SND1: variants seen among roughly 807,000 people sequenced by gnomAD.
The protein encoded by SND1 is staphylococcal nuclease domain-containing protein 1.
In SND1, 38 loss-of-function variants were observed where a neutral mutation model predicts 121.7. The observed-to-expected ratio is 0.31, with a 90% CI of 0.24 to 0.41. The LOEUF is 0.41. Ranked by LOEUF, SND1 falls within the 10% of genes least tolerant of loss-of-function variation. SND1 has a pLI of 1.00. For synonymous variants in SND1, 401 were observed against 447.4 expected (o/e 0.90, Z 1.31); for missense variants, 868 against 1,184.6 (o/e 0.73, Z 3.92).
intron 15 of SND1, among the ~76,000 whole-genome samples, chr7:127,989,715 C>G (rs893462776): frequency 6.6e-6 from 1 of 152,342 alleles, no homozygotes; most frequent in East Asian, 1.9e-4. Flanking sequence ...CATCCTCCCC[C>G]AGATCTTCAT....
rs530403003 is a variant in SND1 at position 127,916,636 on chromosome 7, C to T, written c.1527+11817C>T. ...CAAACAGACTTTAAAACGTTGCCGC[C>T]CAAGCTGTCGGAGATAAATCAGGTG... On this transcript the variant is annotated intron_variant, in intron 14 of 23. Coordinates refer to ENST00000354725, the MANE Select transcript of SND1 (RefSeq NM_014390.4). 5.3e-5 allele frequency among the ~76,000 whole-genome samples: 8 copies of T among 152,184 alleles called. No individual in the cohort carries two copies. In the South Asian group the frequency reaches 1.7e-3, roughly 32 times the overall value.
intron 10 of SND1, among the ~76,000 whole-genome samples, chr7:127,723,701 T>A (rs1365594432): frequency 6.6e-6 from 1 of 152,010 alleles, no homozygotes; most frequent in African/African-American, 2.4e-5. Flanking sequence ...GAGAAGTGAG[T>A]CAACAGGAGG....
At chr7:127,889,642 C>T (rs765247623) in intron 13 of SND1, among the ~76,000 whole-genome samples, 4 of 151,166 alleles carry the variant, frequency 2.6e-5, no homozygotes, top group Non-Finnish European at 5.9e-5. Flanking sequence ...TTTTTTGTAC[C>T]CATTATCCAT....
At chr7:127,749,309 A>G (rs1469506559) in intron 10 of SND1, among the ~76,000 whole-genome samples, 1 of 152,146 alleles carries the variant, frequency 6.6e-6, no homozygotes, top group Non-Finnish European at 1.5e-5. Context: ...TGATTCAGAT[A>G]TACTTCTAGC....
chr7:127,841,696 T>A (rs749168813), intron 11 of SND1, among the ~76,000 whole-genome samples: 15 of 152,130 alleles, frequency 9.9e-5, no homozygotes, highest in Non-Finnish European at 1.3e-4. Context: ...GCCCTTTTTT[T>A]GGCCTATATT....
At chr7:127,786,920 G>A (rs542616844) in intron 10 of SND1, among the ~76,000 whole-genome samples, 1 of 152,336 alleles carries the variant, frequency 6.6e-6, no homozygotes, top group African/African-American at 2.4e-5. Flanking sequence ...GGGATTACAG[G>A]CGTGAGCCAC....
chr7:127,849,929 C>T (rs1447197226), intron 12 of SND1, among the ~76,000 whole-genome samples: 1 of 152,158 alleles, frequency 6.6e-6, no homozygotes, highest in African/African-American at 2.4e-5. Flanking sequence ...TAATTCTTTC[C>T]CATGCAGCAG....
At chr7:127,779,825 T>C (rs895828968) in intron 10 of SND1, among the ~76,000 whole-genome samples, 1 of 152,216 alleles carries the variant, frequency 6.6e-6, no homozygotes. Context: ...TGCTCTTTCT[T>C]ATCATTTGTG....
rs1170294401 is a variant in SND1, at chr7:127,888,012, G to A, written c.1454G>A (p.Arg485Lys). The change falls in exon 13 of 24, where the codon AGA becomes AAA. Residue 485 changes from arginine (R) to lysine (K), a missense_variant and splice_region_variant. Arg to Lys is a conservative substitution (Grantham distance 26, BLOSUM62 2). Around this residue, in one of 2 missense-constraint regions of SND1, gnomAD observed 743 missense variants for 1,071.3 expected, o/e 0.69. Coordinates refer to ENST00000354725, the MANE Select transcript of SND1 (RefSeq NM_014390.4). The stretch of plus-strand genomic sequence containing the variant: ...GATGAACTGCTTGCTGCAGAGGCCA[G>A]GTAAGACCAAACATTACTAAACACA... ...HYDELLAAEA[R>K]AIKNGKGLHS... 1 of 1,607,826 alleles carries A rather than the reference G, an allele frequency of 6.2e-7. No homozygotes were observed. The highest frequency in any genetic ancestry group is 1.1e-5 in the South Asian group (1 of 90,862).
rs1027742026 is a variant in SND1, at chr7:127,808,346, G to C, written c.1242+773G>C. Among the ~76,000 whole-genome samples the C allele has an allele frequency of 8.5e-4, 129 of 151,646 alleles. 1 individual carries two copies. Among genetic ancestry groups the C allele is most frequent in the Non-Finnish European group, 1.5e-4 (10 of 67,912 alleles). On this transcript the variant is annotated intron_variant, in intron 11 of 23. Coordinates refer to ENST00000354725, the MANE Select transcript of SND1 (RefSeq NM_014390.4). ...CCTGGCTAATTTTTGTATTTTTTTG[G>C]TCGAGACGGAGTTTCACCATGGTGG...
intron 16 of SND1, among the ~76,000 whole-genome samples, chr7:128,011,889 A>G (rs769845625): frequency 2.0e-5 from 3 of 152,242 alleles, no homozygotes; most frequent in Non-Finnish European, 4.4e-5. Context: ...AGATGAAGCA[A>G]ATATGACAAC....
intron 11 of SND1, among the ~76,000 whole-genome samples, chr7:127,820,372 A>G (rs1010122591): frequency 6.6e-6 from 1 of 152,146 alleles, no homozygotes; most frequent in African/African-American, 2.4e-5. Context: ...TCCTATTGCT[A>G]GTGGTGGAGT....
At chr7:127,993,214 T>C (rs1450679894) in intron 16 of SND1, among the ~76,000 whole-genome samples, 1 of 152,252 alleles carries the variant, frequency 6.6e-6, no homozygotes, top group African/African-American at 2.4e-5. Context: ...ATATTATATA[T>C]GAAAACTGTT....
In SND1 at chr7:128,054,971, C is replaced by A. The variant is rs1341069170; in HGVS notation, c.1780-19531C>A. On this transcript the variant is annotated intron_variant, in intron 16 of 23. Transcript: ENST00000354725. ...CGATTTAGTTTAATAAGATGGATGT[C>A]TGCAGTGTAGAGTTATTCTAATAGG... 2.6e-5 allele frequency among the ~76,000 whole-genome samples: 4 copies of A among 152,170 alleles called. No individual in the cohort carries two copies. The East Asian group carries it at 7.7e-4, about 29-fold the overall frequency.
intron 12 of SND1, among the ~76,000 whole-genome samples, chr7:127,873,985 A>G (rs1799643172): frequency 6.6e-6 from 1 of 152,180 alleles, no homozygotes; most frequent in Non-Finnish European, 1.5e-5. Context: ...TAGATGGAGA[A>G]CAGGGCTCCT....
At chr7:127,982,449 A>C (rs971035647) in intron 15 of SND1, among the ~76,000 whole-genome samples, 1 of 152,202 alleles carries the variant, frequency 6.6e-6, no homozygotes, top group African/African-American at 2.4e-5. Flanking sequence ...GGATCCCTTC[A>C]TTCTTCTTTT....
At chr7:127,909,145 G>A (rs1409022976) in intron 14 of SND1, among the ~76,000 whole-genome samples, 2 of 152,194 alleles carry the variant, frequency 1.3e-5, no homozygotes, top group African/African-American at 4.8e-5. Context: ...TACGATGTTT[G>A]TTTGATGGTA....
chr7:127,672,105 T>C (rs1461061490), intron 1 of SND1, among the ~76,000 whole-genome samples: 1 of 152,144 alleles, frequency 6.6e-6, no homozygotes, highest in African/African-American at 2.4e-5. Context: ...TACAAATATA[T>C]TATAGTGAGT....
rs201240288 is a variant in SND1, at chr7:127,686,727, G to T, written c.193G>T (p.Ala65Ser). The T allele has an allele frequency of 6.2e-7, 1 of 1,614,116 alleles. No individual in the cohort carries two copies. Among genetic ancestry groups the T allele is most frequent in the Non-Finnish European group, 8.5e-7 (1 of 1,179,982 alleles). Residue 65 changes from alanine to serine, a missense_variant, in exon 2 of 24, where the codon GCC becomes TCC. Physicochemically the swap from Ala to Ser is moderately conservative, Grantham distance 99. Coordinates refer to ENST00000354725, the MANE Select transcript of SND1 (RefSeq NM_014390.4). ...TGGAAATCTTGCTCGCCGGGCAGCC[G>T]CCACACAACCTGATGCAAAGGATAC... ...RAGNLARRAA[A>S]TQPDAKDTPD...
Sources: allele counts gnomAD v4.1 joint callset (sites outside exome capture counted in the v4.1 genomes callset), GRCh38; gene constraint gnomAD v4.1.1; regional missense constraint gnomAD v4.1.1; transcripts MANE v1.5; gene names NCBI Gene and HGNC (gene_info 2026-07-23, HGNC 2026-07-21).